The following DCC variants were observed in gnomAD, a reference collection of about 807,000 sequenced individuals.
DCC encodes the protein DCC netrin 1 receptor, also known as netrin receptor DCC.
DCC carries 58 observed loss-of-function variants against 172.5 expected under a neutral mutation model. The observed-to-expected ratio is 0.34, with a 90% confidence interval of 0.27 to 0.42. The LOEUF (loss-of-function observed/expected upper bound fraction) is 0.42, where lower values mean the gene tolerates loss of function less well. DCC is among the 10% of genes least tolerant of loss of function. The pLI is 1.00. For synonymous variants in DCC, 709 were observed against 644.5 expected, an observed-to-expected ratio of 1.10 and a Z score of -1.52; for missense variants, 1,740 against 1,791.0, an observed-to-expected ratio of 0.97 and a Z score of 0.51.
chr18:52,654,764 C>T (rs1205228475), intron 1 of DCC, among the ~76,000 whole-genome samples: 3 of 152,072 alleles, frequency 2.0e-5, no homozygotes, highest in Admixed American at 1.3e-4. Flanking sequence ...TTAACATACC[C>T]CCTCTTCCCT....
At chr18:52,937,994 T>G (rs1598949598) in intron 5 of DCC, among the ~76,000 whole-genome samples, 1 of 152,146 alleles carries the variant, frequency 6.6e-6, no homozygotes, top group East Asian at 1.9e-4. Flanking sequence ...TAGTCCATGT[T>G]CAAGGCAACT....
At chr18:52,783,842 G>A (rs1401970426) in intron 2 of DCC, among the ~76,000 whole-genome samples, 2 of 151,752 alleles carry the variant, frequency 1.3e-5, no homozygotes, top group South Asian at 2.1e-4. Flanking sequence ...ATATTTATGG[G>A]GTACATATCA....
At chr18:53,355,250 C>T (rs1189984913) in intron 15 of DCC, among the ~76,000 whole-genome samples, 13 of 151,660 alleles carry the variant, frequency 8.6e-5, no homozygotes, top group Admixed American at 8.6e-4. Flanking sequence ...ATTGACTTGG[C>T]AATGCGGGCT....
intron 1 of DCC, among the ~76,000 whole-genome samples, chr18:52,402,892 TA>T (rs777691440): frequency 1.3e-5 from 2 of 152,050 alleles, no homozygotes; most frequent in Non-Finnish European, 2.9e-5. Flanking sequence ...AACGAGGCAC[TA>T]ATTAATTGTC....
intron 12 of DCC, among the ~76,000 whole-genome samples, chr18:53,257,847 T>C (rs1037985462): frequency 6.6e-6 from 1 of 152,122 alleles, no homozygotes; most frequent in African/African-American, 2.4e-5. Flanking sequence ...GTCCTGGACT[T>C]TTTTTGGTTG....
intron 2 of DCC, among the ~76,000 whole-genome samples, chr18:52,774,482 T>C (rs1055523435): frequency 2.0e-5 from 3 of 152,242 alleles, no homozygotes; most frequent in African/African-American, 7.2e-5. Flanking sequence ...TTGTGCAGAA[T>C]ACTCAACAAG....
rs190093237 is a variant in DCC, at chr18:53,469,388, T to C, written c.3736+1378T>C. On this transcript the variant is annotated intron_variant, in intron 25 of 28. Transcript: ENST00000442544. ...CTCACTATTTGGAAATGACACTGTA[T>C]TTCTCTAGTGGTTCATAGTTACACT... Among the ~76,000 whole-genome samples, 6 of 152,338 alleles carry C rather than the reference T, an allele frequency of 3.9e-5. No individual in the cohort carries two copies. In the East Asian group the frequency reaches 1.2e-3, roughly 29 times the overall value.
At chr18:53,229,511 C>T (rs1429454236) in intron 12 of DCC, among the ~76,000 whole-genome samples, 2 of 152,070 alleles carry the variant, frequency 1.3e-5, no homozygotes, top group South Asian at 2.1e-4. Context: ...TTATTCATAT[C>T]GTATCTGTGG....
chr18:53,099,429 A>C (rs1281636039), intron 7 of DCC, among the ~76,000 whole-genome samples: 1 of 152,080 alleles, frequency 6.6e-6, no homozygotes, highest in Non-Finnish European at 1.5e-5. Flanking sequence ...TCTTTCCTGA[A>C]ATACTTTACC....
At chr18:53,412,493 C>T (rs1910040891) in intron 20 of DCC, among the ~76,000 whole-genome samples, 1 of 151,956 alleles carries the variant, frequency 6.6e-6, no homozygotes, top group African/African-American at 2.4e-5. Context: ...TGGTGTAGAG[C>T]CAAATCTACA....
At chr18:53,263,473 G>A (rs548400183) in intron 12 of DCC, among the ~76,000 whole-genome samples, 1 of 152,184 alleles carries the variant, frequency 6.6e-6, no homozygotes, top group East Asian at 1.9e-4. Context: ...ATTTTAAAAT[G>A]TATTTCTATA....
chr18:52,480,111 G>A (rs944287397), intron 1 of DCC, among the ~76,000 whole-genome samples: 2 of 152,132 alleles, frequency 1.3e-5, no homozygotes, highest in Non-Finnish European at 2.9e-5. Flanking sequence ...GAGTATAAGA[G>A]CTGACATTTG....
chr18:52,915,400 C>T (rs1163803350), intron 3 of DCC, among the ~76,000 whole-genome samples: 1 of 152,126 alleles, frequency 6.6e-6, no homozygotes, highest in Admixed American at 6.6e-5. Context: ...GCCCCAAAGA[C>T]ATTTGGGAAA....
At chr18:53,460,890 C>T (rs1371748800) in intron 24 of DCC, among the ~76,000 whole-genome samples, 1 of 152,058 alleles carries the variant, frequency 6.6e-6, no homozygotes, top group East Asian at 1.9e-4. Flanking sequence ...AGTTTACAGT[C>T]CCACCAACAG....
chr18:53,417,698 G>A (rs751834734), intron 21 of DCC, among the ~76,000 whole-genome samples: 4 of 152,018 alleles, frequency 2.6e-5, no homozygotes, highest in Admixed American at 1.3e-4. Flanking sequence ...TAAAATAACT[G>A]AACTAGTTGA....
chr18:52,788,489 C>T (rs2037701253), intron 2 of DCC, among the ~76,000 whole-genome samples: 1 of 152,122 alleles, frequency 6.6e-6, no homozygotes, highest in African/African-American at 2.4e-5. Context: ...TGATTAAGAC[C>T]ACCTTTTTGC....
At chr18:53,128,754 C>T (rs2043601234) in intron 7 of DCC, among the ~76,000 whole-genome samples, 1 of 150,350 alleles carries the variant, frequency 6.7e-6, no homozygotes. Context: ...GAAGACTTGC[C>T]TTCCTGAAAC....
chr18:52,399,460 A>G (rs143401996), intron 1 of DCC, among the ~76,000 whole-genome samples: 56 of 152,060 alleles, frequency 3.7e-4, no homozygotes, highest in Non-Finnish European at 4.7e-4. Flanking sequence ...GAGACTGATC[A>G]TCATGAAGCC....
chr18:53,067,624 A>C (rs1389782177), intron 7 of DCC, among the ~76,000 whole-genome samples: 1 of 152,200 alleles, frequency 6.6e-6, no homozygotes, highest in Non-Finnish European at 1.5e-5. Context: ...AAAAATAAAA[A>C]CAAAAGAACC....
Sources: gnomAD v4.1 joint callset for allele counts (sites outside exome capture counted in the v4.1 genomes callset) on GRCh38, gnomAD v4.1.1 for gene constraint, MANE v1.5 for transcripts, NCBI Gene and HGNC (gene_info 2026-07-23, HGNC 2026-07-21) for gene names.